ARL15: variants seen among roughly 807,000 people sequenced by gnomAD.
ARL15 encodes the protein ARF like GTPase 15.
A neutral mutation model predicts 25.2 loss-of-function variants in ARL15; 19 were observed. The ratio of observed to expected loss-of-function variants is 0.75; its 90% CI spans 0.53 to 1.10. ARL15 has a LOEUF of 1.10. Among genes scored for constraint, ARL15 ranks in the 50% least tolerant of loss-of-function variants. ARL15 has a pLI of 0.00. For missense variants in ARL15, 220 were observed against 246.0 expected, an observed-to-expected ratio of 0.89 and a Z score of 0.71; for synonymous variants, 94 against 86.8, an observed-to-expected ratio of 1.08 and a Z score of -0.46.
intron 4 of ARL15, among the ~76,000 whole-genome samples, chr5:54,099,067 A>T (rs2112171166): frequency 6.6e-6 from 1 of 152,292 alleles, no homozygotes; most frequent in Non-Finnish European, 1.5e-5. Context: ...GACATACTAT[A>T]AAAAGGCAGA....
intron 4 of ARL15, among the ~76,000 whole-genome samples, chr5:54,024,388 A>G (rs1420654774): frequency 1.3e-5 from 2 of 152,200 alleles, no homozygotes; most frequent in Non-Finnish European, 2.9e-5. Flanking sequence ...TTGTGAAGAA[A>G]ACCAAATTCG....
chr5:54,278,264 C>T lies in ARL15; in HGVS notation c.48+32168G>A, dbSNP rs114214008. 8.8e-3 allele frequency among the ~76,000 whole-genome samples: 1,340 copies of T among 152,302 alleles called. 31 individuals carry two copies. The highest frequency in any genetic ancestry group is 0.031 in the African/African-American group (1,277 of 41,558). On this transcript the variant is annotated intron_variant, in intron 1 of 4. Transcript: ENST00000504924. The stretch of plus-strand genomic sequence containing the variant: ...CAATGCCCTTGTGTGCCTCTCTGGC[C>T]TGGAGCTCAACCATGCCTGATGGTA...
rs116974904 is a variant in ARL15 at position 54,212,326 on chromosome 5, T to G, written c.49-40398A>C. On this transcript the variant is annotated intron_variant, in intron 1 of 4. Transcript: ENST00000504924. ...AAGAAGGGCACATCAGCTCCAGATG[T>G]CACATTTCTGTTTAAGAAGAGGAAA... Among the ~76,000 whole-genome samples, 101 of 152,272 alleles carry G rather than the reference T, an allele frequency of 6.6e-4. 1 individual carries two copies. The East Asian group carries it at 0.015, about 23-fold the overall frequency.
intron 4 of ARL15, among the ~76,000 whole-genome samples, chr5:54,091,155 G>A (rs1752115847): frequency 6.6e-6 from 1 of 152,038 alleles, no homozygotes; most frequent in Non-Finnish European, 1.5e-5. Flanking sequence ...AAATCTAAAA[G>A]GTACTACTTT....
intron 4 of ARL15, among the ~76,000 whole-genome samples, chr5:54,106,659 T>C (rs1269761237): frequency 2.0e-5 from 3 of 152,160 alleles, no homozygotes; most frequent in Non-Finnish European, 1.5e-5. Flanking sequence ...AAATAGACTA[T>C]ACGTGTTGAA....
chr5:53,905,067 C>T (rs139437354), intron 4 of ARL15, among the ~76,000 whole-genome samples: 4 of 152,268 alleles, frequency 2.6e-5, no homozygotes, highest in Non-Finnish European at 5.9e-5. Flanking sequence ...ACTACCAGTT[C>T]AGACCAGGCC....
chr5:54,203,774 T>C (rs967703491), intron 1 of ARL15, among the ~76,000 whole-genome samples: 1 of 152,190 alleles, frequency 6.6e-6, no homozygotes, highest in Non-Finnish European at 1.5e-5. Flanking sequence ...ATGTTTTCAG[T>C]AATCCAAAGT....
chr5:54,069,558 CAAAAAAAAAAAA>C (rs34795383), intron 4 of ARL15, among the ~76,000 whole-genome samples: 2 of 48,076 alleles, frequency 4.2e-5, no homozygotes, highest in Non-Finnish European at 6.5e-5. Flanking sequence ...CAAAACGTCT[CAAAAAAAAAAAA>C]AAAAAAAAAA....
chr5:54,157,668 C>A lies in ARL15; in HGVS notation c.194-3029G>T, dbSNP rs562508426. 1.1e-4 allele frequency among the ~76,000 whole-genome samples: 17 copies of A among 152,294 alleles called. No individual in the cohort carries two copies. The East Asian group carries it at 2.7e-3, about 24-fold the overall frequency. ...CCTCGTGATCTACCCGCCTCGGCCT[C>A]CCAAAGTGCTGGGATTACAGGCACG... On this transcript the variant is annotated intron_variant, in intron 2 of 4. Coordinates refer to ENST00000504924, the MANE Select transcript of ARL15 (RefSeq NM_019087.3).
chr5:54,064,181 C>T (rs34686956), intron 4 of ARL15, among the ~76,000 whole-genome samples: 2,311 of 151,934 alleles, frequency 0.015, 22 homozygotes, highest in Admixed American at 0.021. Flanking sequence ...TTCCCCTTCT[C>T]CAGCCTGAAC....
At chr5:54,222,259 TACTGATTATTTTCCCCAAA>T (rs1313408444) in intron 1 of ARL15, among the ~76,000 whole-genome samples, 1 of 152,240 alleles carries the variant, frequency 6.6e-6, no homozygotes, top group Non-Finnish European at 1.5e-5. Context: ...CAAAAAGTGA[TACTGATTATTTTCCCCAAA>T]ACATCTAGGA....
intron 4 of ARL15, among the ~76,000 whole-genome samples, chr5:54,073,678 T>A (rs984690611): frequency 1.3e-5 from 2 of 152,246 alleles, no homozygotes; most frequent in Admixed American, 1.3e-4. Context: ...TTTCCTTTTT[T>A]CCATTGCCAA....
chr5:54,008,824 T>C (rs560676219), intron 4 of ARL15, among the ~76,000 whole-genome samples: 6 of 152,346 alleles, frequency 3.9e-5, no homozygotes, highest in African/African-American at 1.4e-4. Context: ...AAAATGTTAA[T>C]ACTTACGTTA....
intron 4 of ARL15, among the ~76,000 whole-genome samples, chr5:53,917,394 C>T: frequency 6.6e-6 from 1 of 152,162 alleles, no homozygotes; most frequent in East Asian, 1.9e-4. Flanking sequence ...ACCTTTTAGA[C>T]AAGGGTTTCA....
At chr5:53,998,155 A>G (rs1418618047) in intron 4 of ARL15, among the ~76,000 whole-genome samples, 1 of 152,102 alleles carries the variant, frequency 6.6e-6, no homozygotes, top group Non-Finnish European at 1.5e-5. Context: ...GGCATTTTCT[A>G]GCTCCAAAAT....
chr5:53,971,672 T>G (rs1225896473), intron 4 of ARL15, among the ~76,000 whole-genome samples: 1 of 152,180 alleles, frequency 6.6e-6, no homozygotes. Flanking sequence ...TCATATTTGG[T>G]GCACACACAT....
chr5:54,073,900 G>A (rs1336551712), intron 4 of ARL15, among the ~76,000 whole-genome samples: 1 of 152,164 alleles, frequency 6.6e-6, no homozygotes, highest in Non-Finnish European at 1.5e-5. Flanking sequence ...AGTTTTTCTA[G>A]CATTCCAAGC....
At chr5:54,105,794 G>A (rs993051992) in intron 4 of ARL15, among the ~76,000 whole-genome samples, 5 of 151,972 alleles carry the variant, frequency 3.3e-5, no homozygotes, top group African/African-American at 7.3e-5. Context: ...TGTTGGTCAC[G>A]CTGGTCTCGA....
chr5:53,990,116 T>C (rs997592504), intron 4 of ARL15, among the ~76,000 whole-genome samples: 1 of 151,940 alleles, frequency 6.6e-6, no homozygotes, highest in Non-Finnish European at 1.5e-5. Flanking sequence ...TGGTCCCAGC[T>C]ACTTGAGAGG....
Sources: gnomAD v4.1 joint callset for allele counts (sites outside exome capture counted in the v4.1 genomes callset) on GRCh38, gnomAD v4.1.1 for gene constraint, MANE v1.5 for transcripts, NCBI Gene and HGNC (gene_info 2026-07-23, HGNC 2026-07-21) for gene names.